The following H6PD variants were observed in gnomAD, a reference collection of about 807,000 sequenced individuals.
H6PD encodes the protein hexose-6-phosphate dehydrogenase/glucose 1-dehydrogenase, also known as GDH/6PGL endoplasmic bifunctional protein.
In H6PD, 48 loss-of-function variants were observed where a neutral mutation model predicts 61.2. The ratio of observed to expected loss-of-function variants is 0.78; its 90% CI spans 0.62 to 1.00. H6PD has a LOEUF of 1.00. Ranked by LOEUF, H6PD falls within the 50% of genes least tolerant of loss-of-function variation. H6PD has a pLI of 0.00. For missense variants in H6PD, 1,093 were observed against 1,065.0 expected, an observed-to-expected ratio of 1.03 and a Z score of -0.37; for synonymous variants, 480 against 457.9, an observed-to-expected ratio of 1.05 and a Z score of -0.62.
At chr1:9,249,031 T>A (rs536121484) in intron 3 of H6PD, among the ~76,000 whole-genome samples, 2 of 152,336 alleles carry the variant, frequency 1.3e-5, no homozygotes, top group East Asian at 3.9e-4. Context: ...GAGGGGGTCC[T>A]GCCCCTGCTG....
chr1:9,259,772 A>C (rs537722248), intron 3 of H6PD, among the ~76,000 whole-genome samples: 2 of 146,608 alleles, frequency 1.4e-5, no homozygotes, highest in South Asian at 2.2e-4. Context: ...CTGGTGTTAC[A>C]TTGTTGTTAC....
Position 9,264,609 on chromosome 1 carries a change from T to C in H6PD, c.2116T>C (p.Ser706Pro). 1 of 1,613,112 alleles carries C rather than the reference T, an allele frequency of 6.2e-7. No individual in the cohort carries two copies. The highest frequency in any genetic ancestry group is 8.5e-7 in the Non-Finnish European group (1 of 1,179,914). ...GCACACAGCCTCCCTCTTCCCACAG[T>C]CACCCACTGGCCTGGATGGCGAGCA... The part of the protein sequence containing the change: ...DGHTASLFPQ[S>P]PTGLDGEQLV... Residue 706 changes from serine to proline, a missense_variant, in exon 5 of 5, where the codon TCA (serine) becomes CCA (proline). Ser to Pro is a moderately conservative substitution (Grantham distance 74). Transcript: ENST00000377403.
intron 3 of H6PD, among the ~76,000 whole-genome samples, chr1:9,261,192 GC>G (rs1228069800): frequency 6.6e-6 from 1 of 152,028 alleles, no homozygotes; most frequent in Non-Finnish European, 1.5e-5. Context: ...GTCTTCTCCT[GC>G]CTCAGATCCT....
Position 9,264,551 on chromosome 1 carries a change from C to T in H6PD, c.2058C>T (p.Phe686=), listed in dbSNP as rs374986291. Residue 686 remains phenylalanine, a synonymous_variant, in exon 5 of 5, where the codon TTC becomes TTT. Coordinates refer to ENST00000377403, the MANE Select transcript of H6PD (RefSeq NM_004285.4). ...CAGCCCTGGTGGCCAACAGCAGCTT[C>T]GACCTGGTGCTGCTGGGCATGGGTG... is the stretch of plus-strand genomic sequence containing the variant. ...EISALVANSS[F]DLVLLGMGAD... is the part of the protein sequence containing the mutation. The T allele has an allele frequency of 5.5e-5, 89 of 1,613,214 alleles. No homozygotes were observed. The highest frequency in any genetic ancestry group is 3.8e-4 in the Admixed American group (23 of 60,010).
At position 9,264,327 on chromosome 1, in the gene H6PD, G is replaced by T; in HGVS notation, c.1834G>T (p.Ala612Ser). ...CACGGCGCACTATGGCTTCCCCTGG[G>T]CCCACACGCACCTGTGGCTGGTTGA... The part of the protein sequence containing the change: ...LATAHYGFPW[A>S]HTHLWLVDER... The change falls in exon 5 of 5, where the codon GCC becomes TCC. Residue 612 changes from alanine (A) to serine (S), a missense_variant. By Grantham distance (99) the Ala-to-Ser change is moderately conservative. Coordinates refer to ENST00000377403, the MANE Select transcript of H6PD (RefSeq NM_004285.4). 1 of 1,611,958 alleles carries T rather than the reference G, an allele frequency of 6.2e-7. No individual in the cohort carries two copies. Among genetic ancestry groups the T allele is most frequent in the Non-Finnish European group, 8.5e-7 (1 of 1,179,806 alleles).
Position 9,247,003 on chromosome 1 carries a change from G to A in H6PD, c.665G>A (p.Arg222His), listed in dbSNP as rs935781440. ...AQILPFRDQN[R>H]KALDGLWNRH... ...ATCCTGCCTTTCCGAGACCAGAACC[G>A]CAAGGCTTTGGACGGCCTCTGGAAC... The change falls in exon 3 of 5, where the codon CGC (arginine) becomes CAC (histidine). Residue 222 changes from arginine to histidine, a missense_variant. Arg to His is a conservative substitution (Grantham distance 29). Transcript: ENST00000377403. 1.5e-5 allele frequency: 25 copies of A among 1,613,908 alleles called. No individual in the cohort carries two copies. Among genetic ancestry groups the A allele is most frequent in the East Asian group, 2.2e-5 (1 of 44,862 alleles).
intron 3 of H6PD, among the ~76,000 whole-genome samples, chr1:9,252,111 A>C (rs1318318339): frequency 6.6e-6 from 1 of 152,166 alleles, no homozygotes; most frequent in Non-Finnish European, 1.5e-5. Context: ...CCAAGTTTGC[A>C]AGGAGAGGCA....
intron 3 of H6PD, among the ~76,000 whole-genome samples, chr1:9,259,857 T>TGGTGTTACGCC (rs1553185479): frequency 1.3e-5 from 2 of 151,932 alleles, no homozygotes; most frequent in Non-Finnish European, 2.9e-5. Context: ...GTTGTTATGC[T>TGGTGTTACGCC]GGTGTTACGC....
intron 4 of H6PD, among the ~76,000 whole-genome samples, chr1:9,263,197 G>A (rs1009013734): frequency 1.3e-5 from 2 of 152,116 alleles, no homozygotes; most frequent in South Asian, 2.1e-4. Flanking sequence ...CCCCACTGTG[G>A]GGCGTCCTTT....
Position 9,263,646 on chromosome 1 carries a change from C to A in H6PD, c.1153C>A (p.His385Asn). 6.2e-7 allele frequency: 1 copy of A among 1,614,186 alleles called. No homozygotes were observed. The highest frequency in any genetic ancestry group is 1.1e-5 in the South Asian group (1 of 91,082). ...GGCCTGCTGTGTGCAGAGCGAAAAG[C>A]ACTGGGCCGCGGCGCAGAGCCAGTG... The part of the protein sequence containing the change: ...NQACCVQSEK[H>N]WAAAQSQCLP... Residue 385 changes from histidine to asparagine, a missense_variant, in exon 5 of 5, where the codon CAC (histidine) becomes AAC (asparagine). By Grantham distance (68) the His-to-Asn change is moderately conservative. Coordinates refer to ENST00000377403, the MANE Select transcript of H6PD (RefSeq NM_004285.4).
chr1:9,252,723 G>T (rs957152416), intron 3 of H6PD, among the ~76,000 whole-genome samples: 1 of 152,020 alleles, frequency 6.6e-6, no homozygotes, highest in Admixed American at 6.5e-5. Context: ...TATATACTTC[G>T]GCAGTAGAAT....
At chr1:9,238,383 G>A (rs953108174) in intron 1 of H6PD, among the ~76,000 whole-genome samples, 4 of 151,564 alleles carry the variant, frequency 2.6e-5, no homozygotes, top group Non-Finnish European at 4.4e-5. Context: ...TCTGACTGCC[G>A]TGTTGAGGCT....
chr1:9,256,260 A>G (rs1641512972), intron 3 of H6PD, among the ~76,000 whole-genome samples: 1 of 152,202 alleles, frequency 6.6e-6, no homozygotes, highest in Non-Finnish European at 1.5e-5. Flanking sequence ...GATCTCAGCC[A>G]TTGTTTTCCC....
chr1:9,251,757 G>A (rs1031466004), intron 3 of H6PD, among the ~76,000 whole-genome samples: 3 of 152,132 alleles, frequency 2.0e-5, no homozygotes, highest in Non-Finnish European at 4.4e-5. Flanking sequence ...GGCAGCTGCC[G>A]GATCTCCTGT....
rs113214943 is a variant in H6PD at position 9,264,581 on chromosome 1, C to T, written c.2088C>T (p.Asp696=). The T allele has an allele frequency of 1.1e-4, 180 of 1,613,260 alleles. No homozygotes were observed. In the African/African-American group the frequency reaches 2.0e-3, roughly 18 times the overall value. ...FDLVLLGMGA[D]GHTASLFPQS... Reference sequence around the variant, plus strand: ...TGGTGCTGCTGGGCATGGGTGCCGACGGGCACACAGCCTCCCTCTTCCCAC... The same window carrying T: ...TGGTGCTGCTGGGCATGGGTGCCGATGGGCACACAGCCTCCCTCTTCCCAC... Residue 696 remains aspartate, a synonymous_variant, in exon 5 of 5, where the codon GAC becomes GAT. Transcript: ENST00000377403.
rs1427986912 is a variant in H6PD, at chr1:9,234,860, C to G, written c.-217C>G. Reference sequence around the variant, plus strand: ...CGGGCTGGCCTTGGCCTCGCGCCTTCCCCTGCGGCCGCCGCGGGCTCCGCG... The same window carrying G: ...CGGGCTGGCCTTGGCCTCGCGCCTTGCCCTGCGGCCGCCGCGGGCTCCGCG... On this transcript the variant is annotated 5_prime_UTR_variant, in exon 1 of 5. Transcript: ENST00000377403. 1.4e-5 allele frequency: 2 copies of G among 147,840 alleles called. No homozygotes were observed. Among genetic ancestry groups the G allele is most frequent in the East Asian group, 3.9e-4 (2 of 5,118 alleles). 9.2% of individuals were successfully genotyped at this position (147,840 alleles called of 1,614,324 possible). A position where few individuals can be genotyped will look rare whatever the true frequency, so the allele number is the denominator to read the frequency against.
rs763669347 is a variant in H6PD at position 9,263,768 on chromosome 1, C to T, written c.1275C>T (p.Ser425=). The change falls in exon 5 of 5, where the codon TCC becomes TCT. Residue 425 remains serine (S), a synonymous_variant. Transcript: ENST00000377403. ...ACCTGTTCAGGCCCTCCCTGCCCTC[C>T]AGCTGGAAGGAAATGGAGGGACCAC... ...SRNLFRPSLP[S]SWKEMEGPPG... 10 of 1,613,896 alleles carry T rather than the reference C, an allele frequency of 6.2e-6. No homozygotes were observed. The highest frequency in any genetic ancestry group is 8.5e-6 in the Non-Finnish European group (10 of 1,180,046).
intron 3 of H6PD, among the ~76,000 whole-genome samples, chr1:9,248,214 A>C (rs1203412060): frequency 1.3e-5 from 2 of 152,246 alleles, no homozygotes; most frequent in African/African-American, 4.8e-5. Flanking sequence ...GCCACAGGGC[A>C]GGGCCCAGAG....
At chr1:9,246,864 T>C in intron 2 of H6PD, 102 bp from the exon 3 acceptor site, 1 of 836,258 alleles carries the variant, frequency 1.2e-6, no homozygotes. Context: ...CATCTTCTGC[T>C]CTGAGCAGGG....
Sources: allele counts gnomAD v4.1 joint callset (sites outside exome capture counted in the v4.1 genomes callset), GRCh38; gene constraint gnomAD v4.1.1; transcripts MANE v1.5; gene names NCBI Gene and HGNC (gene_info 2026-07-23, HGNC 2026-07-21).